Variants in FRMD3 observed in about 807,000 individuals in gnomAD.
The protein encoded by FRMD3 is FERM domain-containing protein 3.
A neutral mutation model predicts 70.2 loss-of-function variants in FRMD3; 33 were observed. That is an observed-to-expected ratio of 0.47 (90% CI 0.36 to 0.63). FRMD3 has a LOEUF of 0.63. Among genes scored for constraint, FRMD3 ranks in the 20% least tolerant of loss-of-function variants. The probability of loss-of-function intolerance (pLI) is 0.00; values close to 1 mark genes in which losing one functional copy is unlikely to be tolerated. For synonymous variants in FRMD3, 279 were observed against 255.9 expected (o/e 1.09, Z -0.86); for missense variants, 632 against 711.4 (o/e 0.89, Z 1.27).
At chr9:83,437,600 A>T (rs937323300) in intron 1 of FRMD3, among the ~76,000 whole-genome samples, 16 of 152,180 alleles carry the variant, frequency 1.1e-4, no homozygotes, top group Admixed American at 1.0e-3. Flanking sequence ...TTTGGCTCAT[A>T]TAGTTGTCAT....
chr9:83,429,520 C>T (rs1826908822), intron 1 of FRMD3, among the ~76,000 whole-genome samples: 1 of 152,144 alleles, frequency 6.6e-6, no homozygotes, highest in Admixed American at 6.5e-5. Context: ...CTCTCTCTCC[C>T]ACTCCCTTCT....
At chr9:83,280,504 A>T (rs10867970) in intron 13 of FRMD3, among the ~76,000 whole-genome samples, 1 of 152,198 alleles carries the variant, frequency 6.6e-6, no homozygotes, top group African/African-American at 2.4e-5. Context: ...TGTCACCACC[A>T]TAACTAGAGC....
At chr9:83,416,745 G>GTCTGTCTC (rs1826454857) in intron 1 of FRMD3, among the ~76,000 whole-genome samples, 3 of 102,234 alleles carry the variant, frequency 2.9e-5, no homozygotes, top group Admixed American at 1.2e-4. Context: ...ATTTCTCTCT[G>GTCTGTCTC]TCTCTCTCTC....
intron 6 of FRMD3, among the ~76,000 whole-genome samples, chr9:83,327,798 G>T (rs1836078973): frequency 6.6e-6 from 1 of 152,188 alleles, no homozygotes; most frequent in South Asian, 2.1e-4. Context: ...AATTTAGCCA[G>T]CTTGTTGGTG....
At chr9:83,546,940 A>G in the FRMD3 span, among the ~76,000 whole-genome samples, 2 of 146,952 alleles carry the variant, frequency 1.4e-5, no homozygotes, top group African/African-American at 2.5e-5. Flanking sequence ...TTGAAAAAAA[A>G]GATCCAACAA....
chr9:83,450,926 A>G (rs1827634865), intron 1 of FRMD3, among the ~76,000 whole-genome samples: 2 of 152,192 alleles, frequency 1.3e-5, no homozygotes, highest in South Asian at 4.1e-4. Context: ...GTAGGAAATG[A>G]GGCTTTAATG....
At chr9:83,430,001 A>C (rs147636217) in intron 1 of FRMD3, among the ~76,000 whole-genome samples, 21 of 152,292 alleles carry the variant, frequency 1.4e-4, no homozygotes, top group African/African-American at 4.8e-4. Context: ...AGTTTCTTAG[A>C]ATTCGGATAT....
At chr9:83,510,688 A>C (rs1829319454) in intron 1 of FRMD3, among the ~76,000 whole-genome samples, 2 of 152,226 alleles carry the variant, frequency 1.3e-5, no homozygotes, top group African/African-American at 4.8e-5. Context: ...TGGCAATAAA[A>C]AGAAAGGAAA....
intron 1 of FRMD3, among the ~76,000 whole-genome samples, chr9:83,512,695 C>A (rs1231926706): frequency 6.6e-6 from 1 of 152,212 alleles, no homozygotes; most frequent in Non-Finnish European, 1.5e-5. Context: ...AAGGCCAGCA[C>A]TCCCTTCCCC....
intron 13 of FRMD3, among the ~76,000 whole-genome samples, chr9:83,274,447 T>C (rs894831809): frequency 5.9e-5 from 9 of 152,156 alleles, no homozygotes; most frequent in Non-Finnish European, 1.2e-4. Context: ...TGCCATGTCA[T>C]GTCAAGAGCC....
rs556139041 is a variant in FRMD3 at position 83,349,928 on chromosome 9, GCAA to G, written c.296-174_296-172del. Among the ~76,000 whole-genome samples, 152 of 152,264 alleles carry G rather than the reference GCAA, an allele frequency of 1.0e-3. 1 individual carries two copies. Among genetic ancestry groups the G allele is most frequent in the Admixed American group, 2.6e-3 (39 of 15,294 alleles). On this transcript the variant is annotated intron_variant, in intron 3 of 13. Transcript: ENST00000304195. ...TGATGCCCAAGAAAACAAAGCGACA[GCAA>G]CAACAAAACTCAAAGAAAATGCTTG... is the stretch of plus-strand genomic sequence containing the variant.
At chr9:83,383,885 C>A (rs1825433256) in intron 2 of FRMD3, among the ~76,000 whole-genome samples, 1 of 152,196 alleles carries the variant, frequency 6.6e-6, no homozygotes, top group Non-Finnish European at 1.5e-5. Flanking sequence ...TTTCCCTCCT[C>A]AGGAGAGGAT....
intron 1 of FRMD3, among the ~76,000 whole-genome samples, chr9:83,483,291 T>C (rs1828611302): frequency 6.6e-6 from 1 of 152,180 alleles, no homozygotes; most frequent in African/African-American, 2.4e-5. Context: ...GCCATGACTG[T>C]AAGTTTCCTA....
At chr9:83,287,567 G>A (rs1270146056) in intron 13 of FRMD3, among the ~76,000 whole-genome samples, 1 of 152,078 alleles carries the variant, frequency 6.6e-6, no homozygotes, top group Non-Finnish European at 1.5e-5. Flanking sequence ...CCATAATCTG[G>A]CCCTCTCCTA....
chr9:83,550,574 C>A, the FRMD3 span, among the ~76,000 whole-genome samples: 1 of 151,892 alleles, frequency 6.6e-6, no homozygotes, highest in Non-Finnish European at 1.5e-5. Context: ...TTCCTATCCA[C>A]AAACATGGGA....
chr9:83,322,990 C>A (rs1835859381), intron 6 of FRMD3, among the ~76,000 whole-genome samples: 1 of 152,218 alleles, frequency 6.6e-6, no homozygotes, highest in African/African-American at 2.4e-5. Context: ...TGAGAAACCA[C>A]TAACATCTCC....
At chr9:83,248,666 A>G (rs1832252306) in intron 13 of FRMD3, 150 bp from the exon 14 acceptor site, 4 of 833,890 alleles carry the variant, frequency 4.8e-6, no homozygotes, top group South Asian at 1.9e-5. Flanking sequence ...AAGTCGTATT[A>G]TAGTAAAAGA....
Position 83,246,549 on chromosome 9 carries a change from T to C in FRMD3, c.*1369A>G, listed in dbSNP as rs2118469463. The stretch of plus-strand genomic sequence containing the variant: ...TCATGAGGCCTCTCCAGTTTCTCTA[T>C]GGAAGTCAAATTTTAAAACAACTGG... On this transcript the variant is annotated 3_prime_UTR_variant, in exon 14 of 14. Coordinates refer to ENST00000304195, the MANE Select transcript of FRMD3 (RefSeq NM_174938.6). 2 of 985,102 alleles carry C rather than the reference T, an allele frequency of 2.0e-6. No individual in the cohort carries two copies. The highest frequency in any genetic ancestry group is 2.4e-6 in the Non-Finnish European group (2 of 829,882). 61.0% of individuals were successfully genotyped at this position (985,102 alleles called of 1,614,324 possible). A position where few individuals can be genotyped will look rare whatever the true frequency, so the allele number is the denominator to read the frequency against.
At chr9:83,309,311 C>T (rs1835263095) in intron 10 of FRMD3, among the ~76,000 whole-genome samples, 1 of 151,738 alleles carries the variant, frequency 6.6e-6, no homozygotes, top group African/African-American at 2.4e-5. Context: ...CACAGTGGCC[C>T]ACAGCCATTC....
Sources: gnomAD v4.1 joint callset for allele counts (sites outside exome capture counted in the v4.1 genomes callset) on GRCh38, gnomAD v4.1.1 for gene constraint, MANE v1.5 for transcripts, NCBI Gene and HGNC (gene_info 2026-07-23, HGNC 2026-07-21) for gene names.